The following PPM1B variants were observed in gnomAD, a reference collection of about 807,000 sequenced individuals.
PPM1B encodes protein phosphatase, Mg2+/Mn2+ dependent 1B.
A neutral mutation model predicts 43.0 loss-of-function variants in PPM1B; 22 were observed. The observed-to-expected ratio is 0.51, with a 90% CI of 0.37 to 0.73. The LOEUF (loss-of-function observed/expected upper bound fraction) is 0.73. PPM1B is among the 30% of genes least tolerant of loss of function. The probability of loss-of-function intolerance (pLI) is 0.00; values close to 1 mark genes in which losing one functional copy is unlikely to be tolerated. For synonymous variants in PPM1B, 217 were observed against 197.9 expected (o/e 1.10, Z -0.81); for missense variants, 632 against 584.2 (o/e 1.08, Z -0.84).
chr2:44,236,046 A>G (rs1219573379), downstream of PPM1B, among the ~76,000 whole-genome samples: 1 of 152,070 alleles, frequency 6.6e-6, no homozygotes, highest in Admixed American at 6.6e-5. Context: ...CAAGAGTCAT[A>G]ATTTCTTAAT....
chr2:44,236,402 C>CAAAAAAAAAAAAAAAAAAAAAAAAA (rs61414038), downstream of PPM1B, among the ~76,000 whole-genome samples: 24 of 47,526 alleles, frequency 5.0e-4, 2 homozygotes, highest in Admixed American at 1.0e-3. Flanking sequence ...GACTCCGTCT[C>CAAAAAAAAAAAAAAAAAAAAAAAAA]AAAAAAAAAA....
chr2:44,182,680 G>T (rs1558391904), intron 1 of PPM1B, among the ~76,000 whole-genome samples: 3 of 151,978 alleles, frequency 2.0e-5, no homozygotes, highest in Admixed American at 1.3e-4. Flanking sequence ...TAGGTTACAG[G>T]TTTCCTCTGT....
At chr2:44,217,931 A>C in intron 3 of PPM1B, 36 bp from the exon 4 acceptor site, 1 of 1,403,372 alleles carries the variant, frequency 7.1e-7, no homozygotes, top group Admixed American at 2.2e-5. Context: ...CTGGCTTATC[A>C]CATTAATTTA....
In PPM1B at chr2:44,230,860, G is replaced by A. The variant is rs553676083; in HGVS notation, c.*142G>A. 1.4e-6 allele frequency: 2 copies of A among 1,419,538 alleles called. No individual in the cohort carries two copies. Among genetic ancestry groups the A allele is most frequent in the African/African-American group, 1.5e-5 (1 of 68,912 alleles). The allele number at this position is 1,419,538 out of a possible 1,614,324, so 87.9% of individuals were successfully genotyped here. A position where few individuals can be genotyped will look rare whatever the true frequency, so the allele number is the denominator to read the frequency against. The stretch of plus-strand genomic sequence containing the variant: ...TTCAGATAGCCTTGTTTTTTAAAAA[G>A]GCCTTTGCATACACCTTTATGAGAT... On this transcript the variant is annotated 3_prime_UTR_variant, in exon 6 of 6. Coordinates refer to ENST00000282412, the MANE Select transcript of PPM1B (RefSeq NM_002706.6).
Position 44,227,639 on chromosome 2 carries a change from C to T in PPM1B, c.1135-2774C>T, listed in dbSNP as rs368979113. On this transcript the variant is annotated intron_variant, in intron 5 of 5. Transcript: ENST00000282412. Reference sequence around the variant, plus strand: ...GTTCAAGCAATTCTCCTGCCTCAGCCTCCCGAGTAGCTGAGATTACTGATG... The same window carrying T: ...GTTCAAGCAATTCTCCTGCCTCAGCTTCCCGAGTAGCTGAGATTACTGATG... 1.3e-4 allele frequency among the ~76,000 whole-genome samples: 20 copies of T among 151,870 alleles called. No homozygotes were observed. In the East Asian group the frequency reaches 3.9e-3, roughly 30 times the overall value.
At chr2:44,203,399 G>C (rs1391642389) in intron 2 of PPM1B, among the ~76,000 whole-genome samples, 1 of 151,998 alleles carries the variant, frequency 6.6e-6, no homozygotes. Context: ...ATTCTGACCT[G>C]TAGATTTTTG....
intron 1 of PPM1B, among the ~76,000 whole-genome samples, chr2:44,169,681 A>G (rs1311255396): frequency 6.6e-6 from 1 of 152,124 alleles, no homozygotes; most frequent in Non-Finnish European, 1.5e-5. Flanking sequence ...ATCTTTTACC[A>G]TTCGTTTCCT....
downstream of PPM1B, among the ~76,000 whole-genome samples, chr2:44,235,162 A>G (rs1670576244): frequency 6.6e-6 from 1 of 152,234 alleles, no homozygotes; most frequent in Admixed American, 6.5e-5. Context: ...TTGTTATGTT[A>G]AAATCCACTG....
rs192748067 is a variant in PPM1B, at chr2:44,185,259, G to T, written c.-14-15927G>T. ...TAGAATTTGGAAAAGCATGACAAGTGACGTTAAATTAATTCCTCTTGTATG... is the reference window on the plus strand; with the variant it reads ...TAGAATTTGGAAAAGCATGACAAGTTACGTTAAATTAATTCCTCTTGTATG... On this transcript the variant is annotated intron_variant, in intron 1 of 5. Coordinates refer to ENST00000282412, the MANE Select transcript of PPM1B (RefSeq NM_002706.6). 1.5e-3 allele frequency among the ~76,000 whole-genome samples: 221 copies of T among 152,200 alleles called. 1 individual carries two copies. Among genetic ancestry groups the T allele is most frequent in the African/African-American group, 5.0e-3 (209 of 41,514 alleles).
intron 1 of PPM1B, among the ~76,000 whole-genome samples, chr2:44,199,343 G>A (rs1668823221): frequency 6.7e-6 from 1 of 149,342 alleles, no homozygotes; most frequent in Admixed American, 6.7e-5. Context: ...AAAAAATTGA[G>A]CCAGGTATGG....
At chr2:44,224,410 G>A (rs1169991356) in intron 5 of PPM1B, among the ~76,000 whole-genome samples, 1 of 144,780 alleles carries the variant, frequency 6.9e-6, no homozygotes, top group African/African-American at 2.6e-5. Flanking sequence ...AGCTGAAATC[G>A]TGCCACTGCA....
In PPM1B at chr2:44,209,268, C is replaced by T; in HGVS notation, c.905C>T (p.Ser302Leu). 1.2e-6 allele frequency: 2 copies of T among 1,613,800 alleles called. No individual in the cohort carries two copies. Among genetic ancestry groups the T allele is most frequent in the Non-Finnish European group, 1.7e-6 (2 of 1,179,898 alleles). Residue 302 changes from serine (S) to leucine (L), a missense_variant, in exon 3 of 6, where the codon TCA becomes TTA. Ser to Leu is a moderately radical substitution (Grantham distance 145, BLOSUM62 -2). Transcript: ENST00000282412. ...TGCTTTTCAAATGCTCCCAAGGTCT[C>T]AGATGAAGCGGTGAAAAAAGATTCA... ...LVCFSNAPKV[S>L]DEAVKKDSEL...
intron 2 of PPM1B, among the ~76,000 whole-genome samples, chr2:44,202,383 G>A (rs1022871698): frequency 2.6e-5 from 4 of 152,144 alleles, no homozygotes; most frequent in African/African-American, 7.2e-5. Flanking sequence ...GATAAAATAT[G>A]TATATAGTAG....
chr2:44,208,682 C>T (rs1431604600), intron 2 of PPM1B, among the ~76,000 whole-genome samples: 1 of 152,170 alleles, frequency 6.6e-6, no homozygotes, highest in East Asian at 1.9e-4. Context: ...CATTGTGCTC[C>T]AGCCTGGGCA....
intron 1 of PPM1B, among the ~76,000 whole-genome samples, chr2:44,174,477 A>G (rs1488418692): frequency 2.0e-5 from 3 of 152,210 alleles, no homozygotes; most frequent in African/African-American, 7.2e-5. Context: ...TCACTTCAGA[A>G]TCAGTTGTGA....
In PPM1B at chr2:44,230,564, C is replaced by G; in HGVS notation, c.1286C>G (p.Pro429Arg). The G allele has an allele frequency of 6.2e-7, 1 of 1,614,164 alleles. No homozygotes were observed. The highest frequency in any genetic ancestry group is 8.5e-7 in the Non-Finnish European group (1 of 1,180,026). Residue 429 changes from proline (P) to arginine (R), a missense_variant, in exon 6 of 6, where the codon CCT becomes CGT. Pro to Arg is a moderately radical substitution (Grantham distance 103). Transcript: ENST00000282412. ...RLAKVEGEES[P>R]AEPAATATSS... ...GCTAAAGTAGAGGGAGAAGAAAGCC[C>G]TGCTGAACCAGCTGCCACAGCTACT...
downstream of PPM1B, chr2:44,233,642 C>G (rs1670531628): frequency 1.0e-6 from 1 of 985,532 alleles, no homozygotes; most frequent in Non-Finnish European, 1.2e-6. Context: ...TAAAATGAGT[C>G]ATCATCTGGT....
intron 3 of PPM1B, among the ~76,000 whole-genome samples, chr2:44,212,700 A>G (rs927069636): frequency 3.9e-5 from 6 of 152,010 alleles, no homozygotes; most frequent in Admixed American, 3.3e-4. Flanking sequence ...CTTATTAGTT[A>G]CACATTCTTT....
At chr2:44,232,723 A>C, downstream of PPM1B, 3 of 1,009,452 alleles carry the variant, frequency 3.0e-6, no homozygotes, top group Non-Finnish European at 3.5e-6. Context: ...AACACACAAC[A>C]TGTAAGCATG....
Sources: gnomAD v4.1 joint callset for allele counts (sites outside exome capture counted in the v4.1 genomes callset) on GRCh38, gnomAD v4.1.1 for gene constraint, MANE v1.5 for transcripts, NCBI Gene and HGNC (gene_info 2026-07-23, HGNC 2026-07-21) for gene names.